The following MGMT variants were observed in gnomAD, a reference collection of about 807,000 sequenced individuals.
MGMT encodes methylated-DNA--protein-cysteine methyltransferase.
A neutral mutation model predicts 15.9 loss-of-function variants in MGMT; 14 were observed. The ratio of observed to expected loss-of-function variants is 0.88; its 90% confidence interval spans 0.58 to 1.37. The LOEUF (loss-of-function observed/expected upper bound fraction) is 1.37. Among genes scored for constraint, MGMT ranks in the 40% most tolerant of loss-of-function variants. The pLI, the probability that MGMT is intolerant of heterozygous loss-of-function variation, is 0.00. For missense variants in MGMT, 282 were observed against 268.1 expected, an observed-to-expected ratio of 1.05 and a Z score of -0.36; for synonymous variants, 130 against 118.2, an observed-to-expected ratio of 1.10 and a Z score of -0.65.
intron 2 of MGMT, among the ~76,000 whole-genome samples, chr10:129,603,128 C>T (rs1056143561): frequency 2.0e-5 from 3 of 152,172 alleles, no homozygotes; most frequent in Non-Finnish European, 2.9e-5. Context: ...ATATTTATTG[C>T]ACTATCAGCT....
chr10:129,654,672 G>A (rs1438965679), intron 2 of MGMT, among the ~76,000 whole-genome samples: 2 of 152,036 alleles, frequency 1.3e-5, no homozygotes, highest in Admixed American at 6.5e-5. Context: ...GACAGGAGGA[G>A]GCAGGGGTGT....
chr10:129,619,565 T>C (rs555311120), intron 2 of MGMT, among the ~76,000 whole-genome samples: 41 of 152,180 alleles, frequency 2.7e-4, no homozygotes, highest in Non-Finnish European at 5.6e-4. Context: ...TTAGGATTGG[T>C]ATTTTTTTTA....
At chr10:129,754,701 CGTG>C (rs765312393) in intron 3 of MGMT, among the ~76,000 whole-genome samples, 41 of 152,342 alleles carry the variant, frequency 2.7e-4, no homozygotes, top group Middle Eastern at 3.4e-3. Flanking sequence ...AGGGCCACCC[CGTG>C]GTGGAAGGCA....
chr10:129,488,185 A>T (rs1369808670), intron 1 of MGMT, among the ~76,000 whole-genome samples: 1 of 152,132 alleles, frequency 6.6e-6, no homozygotes, highest in Non-Finnish European at 1.5e-5. Flanking sequence ...TAACTTTTGT[A>T]AAAATGGTTA....
intron 2 of MGMT, among the ~76,000 whole-genome samples, chr10:129,550,788 C>T (rs1846148452): frequency 6.6e-6 from 1 of 152,188 alleles, no homozygotes; most frequent in Non-Finnish European, 1.5e-5. Flanking sequence ...GAAACCCGTA[C>T]CCATTAAACA....
At chr10:129,520,937 A>AGGG (rs1352209322) in intron 1 of MGMT, among the ~76,000 whole-genome samples, 1 of 151,626 alleles carries the variant, frequency 6.6e-6, no homozygotes, top group Non-Finnish European at 1.5e-5. Flanking sequence ...GCGGGTACAC[A>AGGG]GCCCCTAAGG....
chr10:129,548,202 G>C (rs539109260), intron 2 of MGMT, among the ~76,000 whole-genome samples: 15 of 152,282 alleles, frequency 9.9e-5, no homozygotes, highest in African/African-American at 2.6e-4. Context: ...CTCTCAAATA[G>C]AAAAATGGTG....
At chr10:129,565,189 C>T (rs1011080420) in intron 2 of MGMT, among the ~76,000 whole-genome samples, 32 of 152,118 alleles carry the variant, frequency 2.1e-4, no homozygotes, top group African/African-American at 6.3e-4. Context: ...CTTGTGCAGC[C>T]GCTGAGTGAC....
At chr10:129,536,403 TATAC>T (rs781719549) in intron 2 of MGMT, 26 bp downstream of exon 2, 1 of 1,597,960 alleles carries the variant, frequency 6.3e-7, no homozygotes, top group Non-Finnish European at 8.5e-7. Flanking sequence ...CGTGATCCTG[TATAC>T]CGCACATGCT....
chr10:129,560,542 T>C (rs1846264663), intron 2 of MGMT, among the ~76,000 whole-genome samples: 1 of 152,222 alleles, frequency 6.6e-6, no homozygotes, highest in South Asian at 2.1e-4. Flanking sequence ...AAACAAACCA[T>C]GGCCTACTTT....
chr10:129,517,899 G>T (rs1845757071), intron 1 of MGMT, among the ~76,000 whole-genome samples: 1 of 152,206 alleles, frequency 6.6e-6, no homozygotes, highest in Non-Finnish European at 1.5e-5. Flanking sequence ...TTTTCCCCCA[G>T]TTCCCTACCA....
At chr10:129,762,784 C>T (rs551349839) in intron 4 of MGMT, among the ~76,000 whole-genome samples, 6 of 152,238 alleles carry the variant, frequency 3.9e-5, no homozygotes, top group Admixed American at 1.3e-4. Flanking sequence ...GCCCGTCACC[C>T]GGATGGCTGC....
chr10:129,680,724 T>G (rs113379804), intron 2 of MGMT, among the ~76,000 whole-genome samples: 6,126 of 152,240 alleles, frequency 0.04, 177 homozygotes, highest in Middle Eastern at 0.095. Context: ...AGGTACCCGC[T>G]CTGGGAAGCC....
intron 4 of MGMT, among the ~76,000 whole-genome samples, chr10:129,765,203 C>T (rs547465889): frequency 1.1e-4 from 16 of 152,238 alleles, no homozygotes; most frequent in Admixed American, 6.5e-4. Flanking sequence ...GCTCCCCAGG[C>T]GCCAGGAGCT....
chr10:129,591,115 G>A (rs1487409748), intron 2 of MGMT, among the ~76,000 whole-genome samples: 4 of 152,176 alleles, frequency 2.6e-5, no homozygotes, highest in South Asian at 4.1e-4. Context: ...GGGGCGCAGC[G>A]TGGTCAGGCT....
chr10:129,575,564 T>C (rs1318984715), intron 2 of MGMT, among the ~76,000 whole-genome samples: 1 of 148,574 alleles, frequency 6.7e-6, no homozygotes, highest in Non-Finnish European at 1.5e-5. Context: ...TAGCACTAAA[T>C]GCCCACAAGA....
chr10:129,751,717 T>A (rs1172980521), intron 3 of MGMT, among the ~76,000 whole-genome samples: 3 of 152,012 alleles, frequency 2.0e-5, no homozygotes, highest in Non-Finnish European at 4.4e-5. Context: ...TTCAGTTTCA[T>A]TCTGTTCAGT....
chr10:129,588,683 A>G (rs1301929185), intron 2 of MGMT, among the ~76,000 whole-genome samples: 1 of 152,178 alleles, frequency 6.6e-6, no homozygotes, highest in African/African-American at 2.4e-5. Context: ...CACTGTCATC[A>G]TGGATAGTGC....
chr10:129,716,301 A>G (rs986749933), intron 3 of MGMT, among the ~76,000 whole-genome samples: 1 of 152,188 alleles, frequency 6.6e-6, no homozygotes, highest in Non-Finnish European at 1.5e-5. Context: ...AAATATATAC[A>G]GTGTAGCTGT....
Sources: gnomAD v4.1 joint callset for allele counts (sites outside exome capture counted in the v4.1 genomes callset) on GRCh38, gnomAD v4.1.1 for gene constraint, MANE v1.5 for transcripts, NCBI Gene and HGNC (gene_info 2026-07-23, HGNC 2026-07-21) for gene names.